ASAP1: variants seen among roughly 807,000 people sequenced by gnomAD.
ASAP1 encodes the protein arf-GAP with SH3 domain, ANK repeat and PH domain-containing protein 1.
Under a neutral mutation model 145.2 loss-of-function variants are expected in ASAP1, and 43 were observed. The observed-to-expected ratio is 0.30, with a 90% CI of 0.23 to 0.38. ASAP1 has a LOEUF of 0.38. ASAP1 is among the 10% of genes least tolerant of loss of function. The pLI, the probability that ASAP1 is intolerant of heterozygous loss-of-function variation, is 1.00. For synonymous variants in ASAP1, 546 were observed against 515.5 expected (o/e 1.06, Z -0.80); for missense variants, 1,018 against 1,355.3 (o/e 0.75, Z 3.91).
intron 3 of ASAP1, among the ~76,000 whole-genome samples, chr8:130,303,429 T>C (rs1360276367): frequency 6.6e-6 from 1 of 152,188 alleles, no homozygotes; most frequent in Non-Finnish European, 1.5e-5. Context: ...GTAGCATCTT[T>C]GCCCTCTGTC....
chr8:130,405,872 A>C (rs1031668931), intron 1 of ASAP1, among the ~76,000 whole-genome samples: 2 of 152,254 alleles, frequency 1.3e-5, no homozygotes, highest in Non-Finnish European at 2.9e-5. Flanking sequence ...ATCTAGGTTC[A>C]TCAGAAAAAA....
Position 130,052,725 on chromosome 8 carries a change from TTTTG to T in ASAP1, c.*2002_*2005del, listed in dbSNP as rs1265222644. On this transcript the variant is annotated 3_prime_UTR_variant, in exon 30 of 30. Transcript: ENST00000518721. ...TAGACATGCAGCTTTTGTGTTTTTT[TTTTG>T]TTTTTGTTTTTTTTTTTTTTTTGAA... 7.1e-5 allele frequency: 10 copies of T among 139,964 alleles called. No individual in the cohort carries two copies. Among genetic ancestry groups the T allele is most frequent in the Admixed American group, 1.5e-4 (2 of 13,358 alleles). The allele number at this position is 139,964 out of a possible 1,614,324, so 8.7% of individuals were successfully genotyped here. A position where few individuals can be genotyped will look rare whatever the true frequency, so the allele number is the denominator to read the frequency against.
rs575514061 is a variant in ASAP1, at chr8:130,417,572, A to C, written c.-27-15602T>G. 1.7e-3 allele frequency among the ~76,000 whole-genome samples: 251 copies of C among 152,028 alleles called. 3 individuals are homozygous for C. The highest frequency in any genetic ancestry group is 1.4e-3 in the Non-Finnish European group (95 of 67,984). On this transcript the variant is annotated intron_variant, in intron 1 of 29. Transcript: ENST00000518721. ...GTCCGAATTTGCAGAACCCATACCT[A>C]GACATGCTTCATGAGACAGAAAACC...
chr8:130,124,162 G>C, intron 17 of ASAP1, 58 bp from the exon 18 acceptor site: 1 of 1,195,850 alleles, frequency 8.4e-7, no homozygotes, highest in Non-Finnish European at 1.2e-6. Context: ...CTAGTTAAAA[G>C]TCTCCTATTA....
intron 5 of ASAP1, among the ~76,000 whole-genome samples, chr8:130,191,120 G>A (rs1294344477): frequency 6.6e-6 from 1 of 151,766 alleles, no homozygotes; most frequent in Non-Finnish European, 1.5e-5. Context: ...GCACAAAGAG[G>A]AATCTACAAA....
At chr8:130,356,714 A>G (rs1294716222) in intron 3 of ASAP1, among the ~76,000 whole-genome samples, 3 of 152,170 alleles carry the variant, frequency 2.0e-5, no homozygotes, top group Non-Finnish European at 2.9e-5. Context: ...AGCAGGCCAG[A>G]TGGGACCCAG....
intron 5 of ASAP1, among the ~76,000 whole-genome samples, chr8:130,209,644 T>C (rs899874044): frequency 1.3e-5 from 2 of 152,166 alleles, no homozygotes; most frequent in Non-Finnish European, 2.9e-5. Context: ...CTCAAATGCA[T>C]CTTTTCAATG....
At chr8:130,080,021 C>A in intron 25 of ASAP1, 50 bp from the exon 26 acceptor site, 4 of 1,517,018 alleles carry the variant, frequency 2.6e-6, no homozygotes, top group Non-Finnish European at 3.7e-6. Flanking sequence ...TGGGGAAATG[C>A]AATGAGAATA....
At chr8:130,136,080 T>C (rs763957534) in intron 14 of ASAP1, among the ~76,000 whole-genome samples, 5 of 152,168 alleles carry the variant, frequency 3.3e-5, no homozygotes, top group Non-Finnish European at 7.4e-5. Context: ...GAAGGATACT[T>C]AAGATTAGTG....
chr8:130,294,132 C>T (rs997582721), intron 3 of ASAP1, among the ~76,000 whole-genome samples: 2 of 152,176 alleles, frequency 1.3e-5, no homozygotes, highest in South Asian at 2.1e-4. Flanking sequence ...AAGTCTTCTC[C>T]GTTAATCAAC....
rs897699302 is a variant in ASAP1, at chr8:130,052,498, A to G, written c.*2233T>C. On this transcript the variant is annotated 3_prime_UTR_variant, in exon 30 of 30. Transcript: ENST00000518721. ...TAGTGGCTTACTGAGTTTAAGATCA[A>G]GATCAGACTTAAACTCAACAAGATC... 10 of 152,758 alleles carry G rather than the reference A, an allele frequency of 6.5e-5. No individual in the cohort carries two copies. The highest frequency in any genetic ancestry group is 2.4e-4 in the African/African-American group (10 of 41,592). 9.5% of individuals were successfully genotyped at this position (152,758 alleles called of 1,614,324 possible).
chr8:130,168,949 C>T, intron 10 of ASAP1, 43 bp downstream of exon 10: 2 of 1,178,670 alleles, frequency 1.7e-6, no homozygotes, highest in Non-Finnish European at 2.4e-6. Context: ...GAAACTTATC[C>T]ATGAAAGCAA....
At chr8:130,294,458 T>C (rs1459838253) in intron 3 of ASAP1, among the ~76,000 whole-genome samples, 2 of 152,220 alleles carry the variant, frequency 1.3e-5, no homozygotes, top group African/African-American at 4.8e-5. Flanking sequence ...TGGACAGACC[T>C]GGGTTTGAAT....
chr8:130,265,362 G>A (rs977373082), intron 3 of ASAP1, among the ~76,000 whole-genome samples: 1 of 152,044 alleles, frequency 6.6e-6, no homozygotes, highest in African/African-American at 2.4e-5. Context: ...CTTGAGCCCA[G>A]GAGCTTGAGA....
At chr8:130,275,368 G>A (rs944595715) in intron 3 of ASAP1, among the ~76,000 whole-genome samples, 1 of 152,172 alleles carries the variant, frequency 6.6e-6, no homozygotes, top group Non-Finnish European at 1.5e-5. Context: ...TTCCTGGAAG[G>A]CAGTAATAAT....
intron 3 of ASAP1, among the ~76,000 whole-genome samples, chr8:130,255,647 T>C (rs1183324061): frequency 6.6e-6 from 1 of 152,166 alleles, no homozygotes; most frequent in Non-Finnish European, 1.5e-5. Flanking sequence ...AAAGTTGCTT[T>C]TATGAAAAAT....
intron 13 of ASAP1, among the ~76,000 whole-genome samples, chr8:130,137,594 T>G (rs1231113462): frequency 6.6e-6 from 1 of 152,222 alleles, no homozygotes; most frequent in Non-Finnish European, 1.5e-5. Flanking sequence ...ATCCATGGAT[T>G]CAACAAATTT....
In ASAP1 at chr8:130,262,419, AGAGAGAGAGAGAGAGAGAGAG is replaced by A. The variant is rs1819981808; in HGVS notation, c.187-25446_187-25426del. Among the ~76,000 whole-genome samples the A allele has an allele frequency of 8.8e-4, 26 of 29,554 alleles. 1 individual carries two copies. Among genetic ancestry groups the A allele is most frequent in the African/African-American group, 2.8e-3 (24 of 8,648 alleles). 19.4% of individuals were successfully genotyped at this position (29,554 alleles called of 152,430 possible). A position where few individuals can be genotyped will look rare whatever the true frequency, so the allele number is the denominator to read the frequency against. The stretch of plus-strand genomic sequence containing the variant: ...AAAAAAAAAAAAAAAAAAAAAAAAG[AGAGAGAGAGAGAGAGAGAGAG>A]AGAGAGAGAGAGAGAGAACCTGTGG... On this transcript the variant is annotated intron_variant, in intron 3 of 29. Coordinates refer to ENST00000518721, the MANE Select transcript of ASAP1 (RefSeq NM_018482.4).
chr8:130,435,097 A>G (rs1181951703), intron 1 of ASAP1, among the ~76,000 whole-genome samples: 1 of 152,162 alleles, frequency 6.6e-6, no homozygotes, highest in Non-Finnish European at 1.5e-5. Flanking sequence ...CTACACTTCC[A>G]TACTCATTAT....
Sources: gnomAD v4.1 joint callset for allele counts (sites outside exome capture counted in the v4.1 genomes callset) on GRCh38, gnomAD v4.1.1 for gene constraint, MANE v1.5 for transcripts, NCBI Gene and HGNC (gene_info 2026-07-23, HGNC 2026-07-21) for gene names.